Variants in CACNA2D3 observed in about 807,000 individuals in gnomAD.
CACNA2D3 encodes calcium voltage-gated channel auxiliary subunit alpha2delta 3, also known as voltage-dependent calcium channel subunit alpha-2/delta-3.
A neutral mutation model predicts 160.6 loss-of-function variants in CACNA2D3; 60 were observed. The ratio of observed to expected loss-of-function variants is 0.37; its 90% CI spans 0.30 to 0.46. CACNA2D3 has a LOEUF of 0.46. Among genes scored for constraint, CACNA2D3 ranks in the 20% least tolerant of loss-of-function variants. The pLI is 1.00. For missense variants in CACNA2D3, 1,205 were observed against 1,365.0 expected (o/e 0.88, Z 1.85); for synonymous variants, 558 against 492.9 (o/e 1.13, Z -1.75).
chr3:54,472,850 A>G (rs955804689), intron 4 of CACNA2D3, among the ~76,000 whole-genome samples: 3 of 152,252 alleles, frequency 2.0e-5, no homozygotes, highest in Admixed American at 6.5e-5. Context: ...GACCTCTTCA[A>G]GGAGAACTAC....
At chr3:54,906,580 G>C (rs966923357) in intron 27 of CACNA2D3, among the ~76,000 whole-genome samples, 1 of 152,190 alleles carries the variant, frequency 6.6e-6, no homozygotes, top group African/African-American at 2.4e-5. Context: ...CATATTCCAC[G>C]TGGGTGCTGT....
intron 4 of CACNA2D3, among the ~76,000 whole-genome samples, chr3:54,441,737 C>CA (rs1216437062): frequency 6.6e-6 from 1 of 152,108 alleles, no homozygotes; most frequent in African/African-American, 2.4e-5. Context: ...TAGTTCAATT[C>CA]AAAAAACATT....
chr3:54,655,019 A>G (rs1174863082), intron 11 of CACNA2D3, among the ~76,000 whole-genome samples: 1 of 152,224 alleles, frequency 6.6e-6, no homozygotes, highest in Non-Finnish European at 1.5e-5. Flanking sequence ...GCCAGTCCCA[A>G]GCTGGGGGCC....
intron 4 of CACNA2D3, among the ~76,000 whole-genome samples, chr3:54,443,840 G>C (rs116273822): frequency 6.6e-6 from 1 of 152,162 alleles, no homozygotes; most frequent in Non-Finnish European, 1.5e-5. Context: ...CAAAGTGACC[G>C]CAAAGTCATC....
chr3:54,306,627 G>A (rs1703608573), intron 2 of CACNA2D3, among the ~76,000 whole-genome samples: 2 of 152,208 alleles, frequency 1.3e-5, no homozygotes, highest in African/African-American at 4.8e-5. Context: ...GGTGAGCCAG[G>A]TGGGCATCTG....
intron 11 of CACNA2D3, among the ~76,000 whole-genome samples, chr3:54,736,738 G>A (rs1701539660): frequency 6.6e-6 from 1 of 152,124 alleles, no homozygotes; most frequent in Admixed American, 6.5e-5. Flanking sequence ...CATGCACTTT[G>A]CCCTGTTATT....
chr3:54,718,690 C>T (rs549612363), intron 11 of CACNA2D3, among the ~76,000 whole-genome samples: 1 of 151,992 alleles, frequency 6.6e-6, no homozygotes, highest in South Asian at 2.1e-4. Context: ...ATTTTAGAGT[C>T]AATTTATTGA....
intron 27 of CACNA2D3, chr3:54,927,878 T>C (rs1289081147): frequency 6.2e-7 from 1 of 1,613,488 alleles, no homozygotes; most frequent in South Asian, 1.1e-5. Context: ...ACAAGAACTT[T>C]TCCAACGGGA....
chr3:55,074,023 C>A, intron 37 of CACNA2D3, 91 bp from the exon 38 acceptor site: 1 of 1,209,576 alleles, frequency 8.3e-7, no homozygotes, highest in Non-Finnish European at 1.2e-6. Flanking sequence ...AGACTTCGTT[C>A]TTACGTTAGA....
rs531359230 is a variant in CACNA2D3 at position 54,873,247 on chromosome 3, G to A, written c.1710+1625G>A. On this transcript the variant is annotated intron_variant, in intron 18 of 37. Coordinates refer to ENST00000474759, the MANE Select transcript of CACNA2D3 (RefSeq NM_018398.3). ...AAGCATTCTACAAGTGGTAGCCATT[G>A]TTAGTATTATTCTGACCTCCTCAGT... is the stretch of plus-strand genomic sequence containing the variant. Among the ~76,000 whole-genome samples the A allele has an allele frequency of 1.1e-4, 16 of 152,178 alleles. No individual in the cohort carries two copies. In the South Asian group the frequency reaches 3.3e-3, roughly 32 times the overall value.
intron 2 of CACNA2D3, among the ~76,000 whole-genome samples, chr3:54,249,094 G>A (rs1035331725): frequency 2.6e-5 from 4 of 152,126 alleles, no homozygotes; most frequent in African/African-American, 9.7e-5. Context: ...AGAATAAACA[G>A]CATGGAGAGA....
At chr3:54,486,727 C>T (rs1403270978) in intron 4 of CACNA2D3, among the ~76,000 whole-genome samples, 1 of 152,162 alleles carries the variant, frequency 6.6e-6, no homozygotes, top group Non-Finnish European at 1.5e-5. Context: ...CTCAGTCTCC[C>T]AGCATACCCA....
chr3:54,234,955 C>G (rs1701846396), intron 2 of CACNA2D3, among the ~76,000 whole-genome samples: 1 of 152,072 alleles, frequency 6.6e-6, no homozygotes, highest in Admixed American at 6.6e-5. Context: ...CAACAAACCC[C>G]CAAGACACAT....
intron 3 of CACNA2D3, among the ~76,000 whole-genome samples, chr3:54,380,513 C>T (rs1037495128): frequency 2.0e-5 from 3 of 152,018 alleles, no homozygotes; most frequent in East Asian, 3.9e-4. Flanking sequence ...CCGAGGCAGG[C>T]GGATCACGAG....
intron 4 of CACNA2D3, among the ~76,000 whole-genome samples, chr3:54,451,234 T>A (rs1236232861): frequency 7.0e-5 from 3 of 42,816 alleles, no homozygotes; most frequent in African/African-American, 2.3e-4. Context: ...ATAATCTTTT[T>A]TTTTTTTTTT....
intron 2 of CACNA2D3, among the ~76,000 whole-genome samples, chr3:54,143,587 A>C (rs1248559643): frequency 6.6e-6 from 1 of 151,880 alleles, no homozygotes; most frequent in Non-Finnish European, 1.5e-5. Flanking sequence ...GCAAGCTCTG[A>C]CTCCCGGGTT....
intron 11 of CACNA2D3, among the ~76,000 whole-genome samples, chr3:54,749,803 G>A (rs72874203): frequency 0.2 from 29,753 of 152,120 alleles, 3,157 homozygotes; most frequent in African/African-American, 0.24. Flanking sequence ...CTACAAATCA[G>A]TGGAAATATT....
chr3:54,930,761 A>G (rs1459712374), intron 27 of CACNA2D3, among the ~76,000 whole-genome samples: 2 of 152,232 alleles, frequency 1.3e-5, no homozygotes, highest in African/African-American at 4.8e-5. Flanking sequence ...ATCAAGTGAT[A>G]CTTAAGTGCC....
At chr3:54,317,921 G>T (rs1423496902) in intron 2 of CACNA2D3, among the ~76,000 whole-genome samples, 2 of 152,158 alleles carry the variant, frequency 1.3e-5, no homozygotes, top group East Asian at 3.8e-4. Flanking sequence ...TCATGAGGGT[G>T]GAGCCTTCAT....
Sources: allele counts gnomAD v4.1 joint callset (sites outside exome capture counted in the v4.1 genomes callset), GRCh38; gene constraint gnomAD v4.1.1; transcripts MANE v1.5; gene names NCBI Gene and HGNC (gene_info 2026-07-23, HGNC 2026-07-21).